Variants in IMMP2L observed in about 807,000 individuals in gnomAD.
IMMP2L encodes the protein mitochondrial inner membrane protease subunit 2.
In IMMP2L, 18 loss-of-function variants were observed where a neutral mutation model predicts 19.3. The observed-to-expected ratio is 0.93, with a 90% CI of 0.64 to 1.38. The LOEUF (loss-of-function observed/expected upper bound fraction) is 1.38. IMMP2L is among the 40% of genes most tolerant of loss of function. The pLI is 0.00. For missense variants in IMMP2L, 233 were observed against 218.2 expected (o/e 1.07, Z -0.43); for synonymous variants, 76 against 73.0 (o/e 1.04, Z -0.21).
chr7:111,471,891 G>A (rs1427085698), intron 3 of IMMP2L, among the ~76,000 whole-genome samples: 2 of 152,020 alleles, frequency 1.3e-5, no homozygotes, highest in African/African-American at 4.8e-5. Flanking sequence ...AGAAAATAAA[G>A]TCCTAACTAA....
chr7:111,139,170 C>T (rs911642826), intron 3 of IMMP2L, among the ~76,000 whole-genome samples: 14 of 151,766 alleles, frequency 9.2e-5, no homozygotes, highest in Non-Finnish European at 1.6e-4. Flanking sequence ...TTACATTGTA[C>T]AATGAGGAAG....
chr7:111,191,348 A>G (rs750652819), intron 3 of IMMP2L, among the ~76,000 whole-genome samples: 1 of 151,914 alleles, frequency 6.6e-6, no homozygotes, highest in Non-Finnish European at 1.5e-5. Context: ...TCTGTTTGTT[A>G]CATTACAGTC....
intron 5 of IMMP2L, among the ~76,000 whole-genome samples, chr7:110,703,849 A>ATT (rs563168916): frequency 3.4e-5 from 5 of 146,240 alleles, no homozygotes; most frequent in South Asian, 2.2e-4. Context: ...TAAGAGAATA[A>ATT]TTTTTTTTTT....
At chr7:111,279,700 A>T (rs1563001781) in intron 3 of IMMP2L, among the ~76,000 whole-genome samples, 1 of 152,172 alleles carries the variant, frequency 6.6e-6, no homozygotes, top group Non-Finnish European at 1.5e-5. Context: ...TGTGCTTTTA[A>T]TTACTATATT....
chr7:111,481,951 G>A (rs1262815343), intron 3 of IMMP2L, among the ~76,000 whole-genome samples: 1 of 152,198 alleles, frequency 6.6e-6, no homozygotes, highest in Non-Finnish European at 1.5e-5. Flanking sequence ...CAGCCACTCA[G>A]GAGGCTGAGG....
At chr7:111,307,030 T>A (rs1268896258) in intron 3 of IMMP2L, among the ~76,000 whole-genome samples, 2 of 149,618 alleles carry the variant, frequency 1.3e-5, no homozygotes, top group Non-Finnish European at 3.0e-5. Context: ...TATTTTTCTA[T>A]CTATTTTCTT....
chr7:111,190,744 C>T (rs1010623726), intron 3 of IMMP2L, among the ~76,000 whole-genome samples: 10 of 152,070 alleles, frequency 6.6e-5, no homozygotes, highest in African/African-American at 2.4e-4. Flanking sequence ...TATTGCTTAT[C>T]TATATAAAAC....
intron 3 of IMMP2L, among the ~76,000 whole-genome samples, chr7:111,253,505 G>C (rs1381720522): frequency 2.0e-5 from 3 of 152,090 alleles, no homozygotes; most frequent in African/African-American, 4.8e-5. Context: ...GTGAAAGGAG[G>C]CTGCATATGA....
rs150446151 is a variant in IMMP2L at position 110,889,394 on chromosome 7, G to A, written c.306-2699C>T. Among the ~76,000 whole-genome samples, 81 of 152,234 alleles carry A rather than the reference G, an allele frequency of 5.3e-4. 2 individuals carry two copies. In the East Asian group the frequency reaches 0.012, roughly 23 times the overall value. ...GATGGGAGATAGTGACAGATCATCA[G>A]GTATAAGAGTGTCATAAGGAGCATG... On this transcript the variant is annotated intron_variant, in intron 4 of 5. Transcript: ENST00000405709.
At chr7:111,127,618 T>C (rs1401071763) in intron 3 of IMMP2L, among the ~76,000 whole-genome samples, 1 of 152,190 alleles carries the variant, frequency 6.6e-6, no homozygotes, top group Non-Finnish European at 1.5e-5. Flanking sequence ...ATACTCTCTC[T>C]GTTACCTCTT....
intron 3 of IMMP2L, among the ~76,000 whole-genome samples, chr7:111,383,506 C>T (rs1399489448): frequency 2.0e-5 from 3 of 152,094 alleles, no homozygotes; most frequent in Admixed American, 1.3e-4. Flanking sequence ...ACCAGAAAAC[C>T]GAGCTACGCC....
Position 111,137,359 on chromosome 7 carries a change from T to C in IMMP2L, c.240-173794A>G, listed in dbSNP as rs150157278. On this transcript the variant is annotated intron_variant, in intron 3 of 5. Coordinates refer to ENST00000405709, the MANE Select transcript of IMMP2L (RefSeq NM_032549.4). The stretch of plus-strand genomic sequence containing the variant: ...ATTGGAAGTAAAGAATTTTAATCAG[T>C]GTTAGTTGGTAATTATTCATTTCAC... Among the ~76,000 whole-genome samples the C allele has an allele frequency of 1.2e-3, 189 of 152,250 alleles. 3 individuals carry two copies. In the East Asian group the frequency reaches 0.03, roughly 24 times the overall value.
chr7:110,856,376 C>T (rs1806767539), intron 5 of IMMP2L, among the ~76,000 whole-genome samples: 1 of 151,880 alleles, frequency 6.6e-6, no homozygotes, highest in South Asian at 2.1e-4. Context: ...CAGAATAATG[C>T]CACTGCCAAG....
chr7:110,991,632 T>C (rs913944056), intron 3 of IMMP2L, among the ~76,000 whole-genome samples: 1 of 152,104 alleles, frequency 6.6e-6, no homozygotes, highest in African/African-American at 2.4e-5. Context: ...CTAATCTACT[T>C]TTTGAAAGAC....
intron 4 of IMMP2L, among the ~76,000 whole-genome samples, chr7:110,937,772 G>A (rs1221773787): frequency 1.3e-5 from 2 of 152,154 alleles, no homozygotes; most frequent in Non-Finnish European, 2.9e-5. Context: ...TGTCCTGGCA[G>A]AAGAGGCATG....
intron 3 of IMMP2L, among the ~76,000 whole-genome samples, chr7:110,999,076 C>T (rs1413793050): frequency 6.6e-6 from 1 of 152,102 alleles, no homozygotes; most frequent in Non-Finnish European, 1.5e-5. Flanking sequence ...AAAAACAATG[C>T]TCCATCTTTT....
chr7:111,345,815 G>T (rs1054261917), intron 3 of IMMP2L, among the ~76,000 whole-genome samples: 1 of 152,082 alleles, frequency 6.6e-6, no homozygotes, highest in African/African-American at 2.4e-5. Context: ...AGGCAGCTCT[G>T]TTATGGAATT....
At chr7:111,484,000 C>A (rs984091281) in intron 3 of IMMP2L, among the ~76,000 whole-genome samples, 1 of 152,106 alleles carries the variant, frequency 6.6e-6, no homozygotes, top group Non-Finnish European at 1.5e-5. Flanking sequence ...TAACACAAAA[C>A]AATGAGGAGA....
chr7:110,869,851 C>A (rs1011522866), intron 5 of IMMP2L, among the ~76,000 whole-genome samples: 2 of 152,250 alleles, frequency 1.3e-5, no homozygotes, highest in African/African-American at 4.8e-5. Flanking sequence ...CCTAAGATTT[C>A]TTTCTTCCCA....
Sources: allele counts gnomAD v4.1 joint callset (sites outside exome capture counted in the v4.1 genomes callset), GRCh38; gene constraint gnomAD v4.1.1; transcripts MANE v1.5; gene names NCBI Gene and HGNC (gene_info 2026-07-23, HGNC 2026-07-21).